Variants in PPP1R21 observed in about 807,000 individuals in gnomAD.
The protein encoded by PPP1R21 is protein phosphatase 1 regulatory subunit 21.
Under a neutral mutation model 112.8 loss-of-function variants are expected in PPP1R21, and 85 were observed. The observed-to-expected ratio is 0.75, with a 90% CI of 0.63 to 0.90. The LOEUF is 0.90. Among genes scored for constraint, PPP1R21 ranks in the 40% least tolerant of loss-of-function variants. The pLI, the probability that PPP1R21 is intolerant of heterozygous loss-of-function variation, is 0.00. For synonymous variants in PPP1R21, 381 were observed against 322.3 expected (o/e 1.18, Z -1.95); for missense variants, 1,199 against 901.5 (o/e 1.33, Z -4.23).
At chr2:48,448,243 C>G (rs1667333551) in intron 1 of PPP1R21, among the ~76,000 whole-genome samples, 1 of 152,066 alleles carries the variant, frequency 6.6e-6, no homozygotes, top group Non-Finnish European at 1.5e-5. Context: ...GTTTGAGTTA[C>G]CAGTTTAGTA....
intron 17 of PPP1R21, among the ~76,000 whole-genome samples, chr2:48,505,124 C>T (rs1304474003): frequency 5.3e-5 from 8 of 152,136 alleles, no homozygotes; most frequent in African/African-American, 1.7e-4. Flanking sequence ...AAAGTATATT[C>T]TCCTTTTGAG....
Position 48,507,405 on chromosome 2 carries a change from G to C in PPP1R21, c.2085+20G>C. The C allele has an allele frequency of 6.3e-7, 1 of 1,590,014 alleles. No homozygotes were observed. The highest frequency in any genetic ancestry group is 8.5e-7 in the Non-Finnish European group (1 of 1,172,098). On this transcript the variant is annotated intron_variant, in intron 19 of 21. Coordinates refer to ENST00000294952, the MANE Select transcript of PPP1R21 (RefSeq NM_001135629.3). ...GCCGAGGTGAGTGTAGATTTAATTA[G>C]ATTGGTGGTTTTTTTCCTAACCCCT...
In PPP1R21 at chr2:48,469,678, A is replaced by C. The variant is rs1668420354; in HGVS notation, c.898-1409A>C. On this transcript the variant is annotated intron_variant, in intron 9 of 21. Transcript: ENST00000294952. ...TAGCTTGTTGCCATGTTATACCCAC[A>C]TAGTGAGAATCAAATATATTAATCT... Among the ~76,000 whole-genome samples the C allele has an allele frequency of 2.6e-5, 4 of 150,974 alleles. No individual in the cohort carries two copies. The South Asian group carries it at 8.4e-4, about 32-fold the overall frequency.
chr2:48,464,437 G>C (rs992983126), intron 7 of PPP1R21, among the ~76,000 whole-genome samples: 2 of 152,114 alleles, frequency 1.3e-5, no homozygotes, highest in Non-Finnish European at 2.9e-5. Flanking sequence ...AACAGACCAG[G>C]GTAGAGAGGA....
chr2:48,440,814 C>CGGT lies in PPP1R21; in HGVS notation c.-138_-137insTGG, dbSNP rs1343196540. ...GAACCCGGAAGTGGAGGAGGAGGCG[C>CGGT]GGCGGCGGCGGCGGCGGCGGCTGCG... On this transcript the variant is annotated 5_prime_UTR_variant, in exon 1 of 22. Coordinates refer to ENST00000294952, the MANE Select transcript of PPP1R21 (RefSeq NM_001135629.3). 1 of 422,266 alleles carries CGGT rather than the reference C, an allele frequency of 2.4e-6. No individual in the cohort carries two copies. The highest frequency in any genetic ancestry group is 3.5e-5 in the Admixed American group (1 of 28,660). The allele number at this position is 422,266 out of a possible 1,614,324, so 26.2% of individuals were successfully genotyped here. A position where few individuals can be genotyped will look rare whatever the true frequency, so the allele number is the denominator to read the frequency against.
intron 4 of PPP1R21, among the ~76,000 whole-genome samples, chr2:48,459,503 A>G (rs141398721): frequency 3.3e-5 from 5 of 152,326 alleles, no homozygotes; most frequent in African/African-American, 1.2e-4. Context: ...CAGTTCTACT[A>G]TATTTTAGCT....
chr2:48,457,678 T>TA (rs1667786851), intron 3 of PPP1R21, among the ~76,000 whole-genome samples: 1 of 152,214 alleles, frequency 6.6e-6, no homozygotes, highest in Non-Finnish European at 1.5e-5. Flanking sequence ...TGTATAAACT[T>TA]ACCTTTGTGG....
rs373725361 is a variant in PPP1R21 at position 48,505,543 on chromosome 2, A to G, written c.1936-21A>G. On this transcript the variant is annotated intron_variant, in intron 17 of 21. Coordinates refer to ENST00000294952, the MANE Select transcript of PPP1R21 (RefSeq NM_001135629.3). ...AAATGTACACATTCTGTTCTAAAAG[A>G]TTTTTCCCCTTATGTTCTAGATTGG... is the stretch of plus-strand genomic sequence containing the variant. 5.1e-5 allele frequency: 78 copies of G among 1,537,588 alleles called. 1 individual carries two copies. The African/African-American group carries it at 9.1e-4, about 18-fold the overall frequency.
intron 2 of PPP1R21, among the ~76,000 whole-genome samples, chr2:48,452,684 G>T (rs1667530879): frequency 6.6e-6 from 1 of 151,750 alleles, no homozygotes; most frequent in African/African-American, 2.4e-5. Flanking sequence ...TTATTACTGG[G>T]TTTACCCTTT....
intron 17 of PPP1R21, among the ~76,000 whole-genome samples, chr2:48,502,327 G>C (rs2103647975): frequency 6.6e-6 from 1 of 152,274 alleles, no homozygotes; most frequent in African/African-American, 2.4e-5. Flanking sequence ...ACAAAAGACA[G>C]GTTAACTGCT....
intron 15 of PPP1R21, among the ~76,000 whole-genome samples, chr2:48,491,581 T>C (rs1277237539): frequency 2.0e-5 from 3 of 152,056 alleles, no homozygotes; most frequent in African/African-American, 7.2e-5. Flanking sequence ...CTGCAGTATA[T>C]TAAGAAGAAA....
At position 48,454,633 on chromosome 2, in the gene PPP1R21, A is replaced by G. The variant is rs1420961524; in HGVS notation, c.165A>G (p.Leu55=). 5 of 1,614,150 alleles carry G rather than the reference A, an allele frequency of 3.1e-6. No homozygotes were observed. The highest frequency in any genetic ancestry group is 2.2e-5 in the East Asian group (1 of 44,892). ...TGAAGGATCAGTCATTGAGAAAACT[A>G]CAACAGGAAATGGACAGTTTGACAT... is the stretch of plus-strand genomic sequence containing the variant. ...LKMKDQSLRK[L]QQEMDSLTFR... Residue 55 remains leucine (L), a synonymous_variant, in exon 3 of 22, where the codon CTA becomes CTG. Transcript: ENST00000294952.
intron 11 of PPP1R21, 101 bp downstream of exon 11, chr2:48,471,468 G>C (rs1668493326): frequency 8.5e-7 from 1 of 1,173,974 alleles, no homozygotes; most frequent in Admixed American, 2.7e-5. Flanking sequence ...TGATCTGCCT[G>C]ACTTTTCTGC....
intron 16 of PPP1R21, among the ~76,000 whole-genome samples, chr2:48,496,435 AG>A (rs1173321896): frequency 2.6e-5 from 4 of 151,522 alleles, no homozygotes; most frequent in African/African-American, 9.7e-5. Flanking sequence ...TGTACAGAGA[AG>A]AATCTAAACA....
Position 48,486,082 on chromosome 2 carries a change from C to T in PPP1R21, c.1319-549C>T, listed in dbSNP as rs1669281994. 4.6e-5 allele frequency among the ~76,000 whole-genome samples: 7 copies of T among 151,566 alleles called. No individual in the cohort carries two copies. In the South Asian group the frequency reaches 1.5e-3, roughly 32 times the overall value. Reference sequence around the variant, plus strand: ...AGGCCTTTATTGTACTATTCTTGGACTGGAGACAGTTGCATAGGAAGTCAG... The same window carrying T: ...AGGCCTTTATTGTACTATTCTTGGATTGGAGACAGTTGCATAGGAAGTCAG... On this transcript the variant is annotated intron_variant, in intron 13 of 21. Transcript: ENST00000294952.
chr2:48,507,561 G>A (rs1670439732), intron 19 of PPP1R21, among the ~76,000 whole-genome samples, 176 bp downstream of exon 19: 1 of 151,916 alleles, frequency 6.6e-6, no homozygotes, highest in Admixed American at 6.6e-5. Context: ...TAGAGACGGG[G>A]TTTCACCGTG....
chr2:48,461,287 G>T, intron 7 of PPP1R21, 55 bp downstream of exon 7: 6 of 1,459,472 alleles, frequency 4.1e-6, no homozygotes, highest in Non-Finnish European at 5.4e-6. Context: ...CTCTGTGGTA[G>T]CCAACTAATT....
chr2:48,456,664 A>G (rs1667737765), intron 3 of PPP1R21, among the ~76,000 whole-genome samples: 2 of 152,236 alleles, frequency 1.3e-5, no homozygotes, highest in South Asian at 2.1e-4. Flanking sequence ...TTCCCCACAT[A>G]GAAGCATTCC....
At chr2:48,448,515 G>A (rs573131697) in intron 1 of PPP1R21, among the ~76,000 whole-genome samples, 2 of 146,356 alleles carry the variant, frequency 1.4e-5, no homozygotes, top group East Asian at 3.9e-4. Flanking sequence ...GTAGTCGTTA[G>A]GAGCTTCTAA....
Sources: allele counts gnomAD v4.1 joint callset (sites outside exome capture counted in the v4.1 genomes callset), GRCh38; gene constraint gnomAD v4.1.1; transcripts MANE v1.5; gene names NCBI Gene and HGNC (gene_info 2026-07-23, HGNC 2026-07-21).